The following MKNK1 variants were observed in gnomAD, a reference collection of about 807,000 sequenced individuals.
MKNK1 encodes MAPK interacting serine/threonine kinase 1, also known as MAP kinase-interacting serine/threonine-protein kinase 1.
In MKNK1, 30 loss-of-function variants were observed where a neutral mutation model predicts 49.3. The observed-to-expected ratio is 0.61, with a 90% CI of 0.46 to 0.83. The LOEUF is 0.83. Ranked by LOEUF, MKNK1 falls within the 40% of genes least tolerant of loss-of-function variation. MKNK1 has a pLI of 0.00. For synonymous variants in MKNK1, 176 were observed against 201.7 expected (o/e 0.87, Z 1.08); for missense variants, 423 against 524.7 (o/e 0.81, Z 1.89).
Position 46,580,632 on chromosome 1 carries a change from A to T in MKNK1, c.101-5T>A, listed in dbSNP as rs1671591835. ...CAGAGGTCAGCTTGTACATATCTAG[A>T]GGTGAAATGGATGAGAGGAATAACA... On this transcript the variant is annotated splice_polypyrimidine_tract_variant and splice_region_variant and intron_variant, in intron 3 of 12. Coordinates refer to ENST00000371945, the MANE Select transcript of MKNK1 (RefSeq NM_001135553.4). 1 of 1,599,420 alleles carries T rather than the reference A, an allele frequency of 6.3e-7. No individual in the cohort carries two copies. The highest frequency in any genetic ancestry group is 1.7e-5 in the Admixed American group (1 of 59,892).
intron 11 of MKNK1, 29 bp downstream of exon 11, chr1:46,561,449 G>A (rs942807838): frequency 1.3e-6 from 2 of 1,580,068 alleles, no homozygotes; most frequent in South Asian, 2.3e-5. Flanking sequence ...CTGAAGTGGT[G>A]GAAAACACCC....
At chr1:46,599,031 A>G (rs1674411698) in intron 1 of MKNK1, among the ~76,000 whole-genome samples, 1 of 152,184 alleles carries the variant, frequency 6.6e-6, no homozygotes, top group Non-Finnish European at 1.5e-5. Flanking sequence ...TCATGGCATC[A>G]GTGCCTGGCA....
At chr1:46,575,276 TA>T (rs1304560809) in intron 5 of MKNK1, 9 of 397,858 alleles carry the variant, frequency 2.3e-5, no homozygotes, top group Non-Finnish European at 3.6e-5. Context: ...ACCCCAGCCC[TA>T]AAACCCACTA....
intron 11 of MKNK1, among the ~76,000 whole-genome samples, 187 bp from the exon 12 acceptor site, chr1:46,560,464 C>T (rs1217950327): frequency 6.6e-6 from 1 of 152,144 alleles, no homozygotes; most frequent in Non-Finnish European, 1.5e-5. Flanking sequence ...AGCCGCAGCC[C>T]CCAACATAGC....
At position 46,571,556 on chromosome 1, in the gene MKNK1, A is replaced by AC. The variant is rs1209327662; in HGVS notation, c.457+506_457+507insG. The AC allele has an allele frequency of 6.8e-6, 3 of 439,930 alleles. No individual in the cohort carries two copies. In the Admixed American group the frequency reaches 7.9e-5, roughly 12 times the overall value. 27.3% of individuals were successfully genotyped at this position (439,930 alleles called of 1,614,324 possible). A position where few individuals can be genotyped will look rare whatever the true frequency, so the allele number is the denominator to read the frequency against. On this transcript the variant is annotated intron_variant, in intron 7 of 12. Transcript: ENST00000371945. ...AGACTTTGTCTAAAAAGGAAAAAAAAGGAAAAAGAAAAATAGATTTTTCAT... is the reference window on the plus strand; with the variant it reads ...AGACTTTGTCTAAAAAGGAAAAAAAACGGAAAAAGAAAAATAGATTTTTCAT...
intron 2 of MKNK1, chr1:46,585,761 T>C (rs937628079): frequency 1.8e-6 from 1 of 564,600 alleles, no homozygotes; most frequent in African/African-American, 1.9e-5. Flanking sequence ...TTATACTTGG[T>C]CTTTACCACA....
chr1:46,582,949 T>C, intron 3 of MKNK1: 1 of 600,766 alleles, frequency 1.7e-6, no homozygotes, highest in Non-Finnish European at 3.1e-6. Context: ...CCCCAGGCAA[T>C]GCCACTGATA....
chr1:46,576,435 A>C, intron 5 of MKNK1, 140 bp downstream of exon 5: 1 of 669,420 alleles, frequency 1.5e-6, no homozygotes, highest in Non-Finnish European at 2.7e-6. Context: ...CCTAACACTG[A>C]AAGGGGCGGA....
intron 1 of MKNK1, among the ~76,000 whole-genome samples, chr1:46,596,074 T>C (rs1395377126): frequency 6.6e-6 from 1 of 152,220 alleles, no homozygotes; most frequent in Non-Finnish European, 1.5e-5. Flanking sequence ...TCTTTAGTCT[T>C]GTCATAGGTT....
intron 10 of MKNK1, 57 bp from the exon 11 acceptor site, chr1:46,561,699 T>C: frequency 6.3e-7 from 1 of 1,578,958 alleles, no homozygotes. Context: ...AGGATGTGCC[T>C]GTCATTGTTT....
chr1:46,575,110 T>C lies in MKNK1; in HGVS notation c.279-90A>G, dbSNP rs1670760268. On this transcript the variant is annotated intron_variant, in intron 5 of 12. Transcript: ENST00000371945. Reference sequence around the variant, plus strand: ...TTACAAATATACAATGAAAAAAATATACAACACCTGGTAGTGGGGCAGAAA... The same window carrying C: ...TTACAAATATACAATGAAAAAAATACACAACACCTGGTAGTGGGGCAGAAA... The C allele has an allele frequency of 3.6e-6, 3 of 827,846 alleles. No individual in the cohort carries two copies. In the South Asian group the frequency reaches 5.2e-5, roughly 14 times the overall value. 51.3% of individuals were successfully genotyped at this position (827,846 alleles called of 1,614,324 possible).
intron 2 of MKNK1, among the ~76,000 whole-genome samples, chr1:46,587,917 CAGAGT>C (rs1672804928): frequency 1.3e-5 from 2 of 152,228 alleles, no homozygotes; most frequent in Admixed American, 6.5e-5. Flanking sequence ...ATGAACCCAA[CAGAGT>C]AGAAAGACTA....
Position 46,565,182 on chromosome 1 carries a change from G to A in MKNK1, c.514-46C>T, listed in dbSNP as rs534948235. 6.1e-5 allele frequency: 95 copies of A among 1,567,402 alleles called. 1 individual carries two copies. Among genetic ancestry groups the A allele is most frequent in the South Asian group, 2.1e-4 (19 of 90,168 alleles). The stretch of plus-strand genomic sequence containing the variant: ...CAGGGTCACAGATATAAGAAACTAC[G>A]GGGCAAGAGGAGCCAGGCATGGCTG... On this transcript the variant is annotated intron_variant, in intron 8 of 12. Coordinates refer to ENST00000371945, the MANE Select transcript of MKNK1 (RefSeq NM_001135553.4).
chr1:46,576,499 A>T, intron 5 of MKNK1, 76 bp downstream of exon 5: 1 of 1,212,506 alleles, frequency 8.2e-7, no homozygotes, highest in South Asian at 1.2e-5. Context: ...TGGAGTCAGG[A>T]GATGGTAAGA....
intron 3 of MKNK1, 83 bp downstream of exon 3, chr1:46,583,145 G>T: frequency 9.5e-7 from 1 of 1,052,680 alleles, no homozygotes; most frequent in Non-Finnish European, 1.5e-6. Context: ...GACGCATTCT[G>T]TGATCGGACC....
chr1:46,559,071 A>G (rs1457098711), intron 12 of MKNK1, among the ~76,000 whole-genome samples: 1 of 152,142 alleles, frequency 6.6e-6, no homozygotes, highest in Non-Finnish European at 1.5e-5. Flanking sequence ...CTGAGCTCCC[A>G]CAACTCTACA....
chr1:46,583,155 C>A (rs1307618199), intron 3 of MKNK1, 73 bp downstream of exon 3: 1 of 1,180,580 alleles, frequency 8.5e-7, no homozygotes, highest in Non-Finnish European at 1.3e-6. Context: ...GTGATCGGAC[C>A]TGTGGCTCCC....
intron 2 of MKNK1, among the ~76,000 whole-genome samples, chr1:46,590,438 C>G (rs143754178): frequency 1.3e-5 from 2 of 152,366 alleles, no homozygotes; most frequent in African/African-American, 2.4e-5. Context: ...CAACGCTACA[C>G]TTTACATATA....
Position 46,565,095 on chromosome 1 carries a change from C to G in MKNK1, c.555G>C (p.Gly185=). The change falls in exon 9 of 13, where the codon GGG becomes GGC. Residue 185 remains glycine (G), a synonymous_variant. Coordinates refer to ENST00000371945, the MANE Select transcript of MKNK1 (RefSeq NM_001135553.4). ...VKICDFDLGS[G]MKLNNSCTPI... ...GGGTACAGGAGTTGTTCAGTTTCATCCCACTGCCCAAGTCAAAGTCACAGA... is the reference window on the plus strand; with the variant it reads ...GGGTACAGGAGTTGTTCAGTTTCATGCCACTGCCCAAGTCAAAGTCACAGA... 6.2e-7 allele frequency: 1 copy of G among 1,614,198 alleles called. No homozygotes were observed. The highest frequency in any genetic ancestry group is 1.3e-5 in the African/African-American group (1 of 75,028).
Sources: gnomAD v4.1 joint callset for allele counts (sites outside exome capture counted in the v4.1 genomes callset) on GRCh38, gnomAD v4.1.1 for gene constraint, MANE v1.5 for transcripts, NCBI Gene and HGNC (gene_info 2026-07-23, HGNC 2026-07-21) for gene names.